The following FBF1 variants were observed in gnomAD, a reference collection of about 807,000 sequenced individuals.
FBF1 encodes Fas binding factor 1.
FBF1 carries 119 observed loss-of-function variants against 147.2 expected under a neutral mutation model. That is an observed-to-expected ratio of 0.81 (90% CI 0.70 to 0.94). The LOEUF is 0.94. FBF1 is among the 40% of genes least tolerant of loss of function. FBF1 has a pLI of 0.00. For missense variants in FBF1, 1,449 were observed against 1,500.8 expected, an observed-to-expected ratio of 0.97 and a Z score of 0.57; for synonymous variants, 601 against 609.0, an observed-to-expected ratio of 0.99 and a Z score of 0.19.
intron 4 of FBF1, among the ~76,000 whole-genome samples, chr17:75,933,611 G>A (rs1228597491): frequency 6.6e-6 from 1 of 152,090 alleles, no homozygotes; most frequent in African/African-American, 2.4e-5. Context: ...TCTGTCCCTG[G>A]TGAGCTTTAC....
rs555421889 is a variant in FBF1 at position 75,919,675 on chromosome 17, G to A, written c.2131C>T (p.Leu711=). The part of the protein sequence containing the change: ...KDQEMERLRE[L]QRASILDMRR... ...CCTGTCCCTGGGCCTCACCGCTGCA[G>A]CTCCCGGAGCCGCTCCATTTCCTGG... Residue 711 remains leucine (L), a synonymous_variant, in exon 20 of 30, where the codon CTG becomes TTG. Transcript: ENST00000636174. The surrounding 1 kb of genome is among the most constrained non-coding windows in gnomAD (Gnocchi z 5.0). 150 of 1,600,838 alleles carry A rather than the reference G, an allele frequency of 9.4e-5. 1 individual carries two copies. In the South Asian group the frequency reaches 1.6e-3, roughly 17 times the overall value.
At chr17:75,937,522 G>T (rs1340656420) in intron 3 of FBF1, 44 bp downstream of exon 3, 4 of 1,607,790 alleles carry the variant, frequency 2.5e-6, no homozygotes, top group Non-Finnish European at 3.4e-6. Flanking sequence ...AGGGGAAAAA[G>T]ATATATATTT....
chr17:75,931,499 T>C lies in FBF1; in HGVS notation c.168-210A>G, dbSNP rs140707691. On this transcript the variant is annotated intron_variant, in intron 5 of 29. Transcript: ENST00000636174. ...TTCAAAAACAAATTGTTAAAAACCATAGGGCTGGGTGTGGGGGCTCATGCC... is the reference window on the plus strand; with the variant it reads ...TTCAAAAACAAATTGTTAAAAACCACAGGGCTGGGTGTGGGGGCTCATGCC... Among the ~76,000 whole-genome samples the C allele has an allele frequency of 6.9e-3, 1,046 of 152,278 alleles. 15 individuals are homozygous for C. Among genetic ancestry groups the C allele is most frequent in the African/African-American group, 0.023 (947 of 41,556 alleles).
At chr17:75,931,311 C>A in intron 5 of FBF1, 22 bp from the exon 6 acceptor site, 1 of 1,571,728 alleles carries the variant, frequency 6.4e-7, no homozygotes. Context: ...AGGCGTCAGC[C>A]CCTACCTGCA....
In FBF1 at chr17:75,926,420, G is replaced by C; in HGVS notation, c.602C>G (p.Ser201Cys). The C allele has an allele frequency of 6.4e-7, 1 of 1,565,848 alleles. No homozygotes were observed. The highest frequency in any genetic ancestry group is 8.6e-7 in the Non-Finnish European group (1 of 1,158,342). ...SPSTVRDQGP[S>C]IPLTPGDTPI... ...GGTGTCCCCAGGAGTTAGAGGAATA[G>C]AGGGACCTGAAAGACAAAACAAGGC... is the stretch of plus-strand genomic sequence containing the variant. Residue 201 changes from serine to cysteine, a missense_variant, in exon 11 of 30, where the codon TCT (serine) becomes TGT (cysteine). Physicochemically the swap from Ser to Cys is moderately radical, Grantham distance 112 (BLOSUM62 -1). Coordinates refer to ENST00000636174, the MANE Select transcript of FBF1 (RefSeq NM_001319193.2).
chr17:75,926,315 T>C lies in FBF1; in HGVS notation c.707A>G (p.Lys236Arg), dbSNP rs959385982. The change falls in exon 11 of 30, where the codon AAA becomes AGA. Residue 236 changes from lysine (K) to arginine (R), a missense_variant. Coordinates refer to ENST00000636174, the MANE Select transcript of FBF1 (RefSeq NM_001319193.2). ...MATLGFGDSP[K>R]AEKRQIGDQE... ...GTCTCCTATCTGCCTCTTCTCTGCT[T>C]TGGGGCTGTCTCCAAACCCCAAGGT... 1.2e-6 allele frequency: 2 copies of C among 1,613,518 alleles called. No homozygotes were observed. The highest frequency in any genetic ancestry group is 1.1e-5 in the South Asian group (1 of 90,970).
chr17:75,938,113 G>A (rs1401194366), intron 2 of FBF1, 34 bp downstream of exon 2: 23 of 1,612,272 alleles, frequency 1.4e-5, no homozygotes, highest in African/African-American at 2.7e-5. Context: ...AGGCATGTTC[G>A]CTTTCCATGC....
chr17:75,936,027 A>C (rs888673074), intron 3 of FBF1, among the ~76,000 whole-genome samples: 17 of 138,640 alleles, frequency 1.2e-4, no homozygotes, highest in Non-Finnish European at 1.9e-4. Context: ...AATACAAAAA[A>C]AATGGCTGGG....
At chr17:75,936,834 T>C (rs543376687) in intron 3 of FBF1, among the ~76,000 whole-genome samples, 15 of 152,208 alleles carry the variant, frequency 9.9e-5, no homozygotes, top group African/African-American at 3.6e-4. Flanking sequence ...GTGCCCAAGA[T>C]TTCTAGGCAC....
rs376025637 is a variant in FBF1 at position 75,926,085 on chromosome 17, C to T, written c.813G>A (p.Pro271=). The T allele has an allele frequency of 4.8e-5, 78 of 1,612,360 alleles. No homozygotes were observed. The highest frequency in any genetic ancestry group is 4.6e-4 in the South Asian group (42 of 90,984). Residue 271 remains proline (P), a synonymous_variant, in exon 12 of 30, where the codon CCG becomes CCA. Transcript: ENST00000636174. The part of the protein sequence containing the change: ...RGMATKLLAR[P]GTGEHREFKL... ...TGAACTCCCTGTGCTCCCCGGTGCCCGGGCGGGCCAGGAGTTTGGTGGCCA... is the reference window on the plus strand; with the variant it reads ...TGAACTCCCTGTGCTCCCCGGTGCCTGGGCGGGCCAGGAGTTTGGTGGCCA...
At chr17:75,931,143 C>G in intron 6 of FBF1, 86 bp downstream of exon 6, 4 of 1,416,042 alleles carry the variant, frequency 2.8e-6, no homozygotes, top group Non-Finnish European at 3.9e-6. Context: ...CTTCTAAACC[C>G]TTCCGTGGGC....
chr17:75,935,360 G>C (rs892414715), intron 4 of FBF1, among the ~76,000 whole-genome samples: 1 of 151,932 alleles, frequency 6.6e-6, no homozygotes, highest in Non-Finnish European at 1.5e-5. Context: ...GTAGAGATGG[G>C]GTTTCGCCAT....
chr17:75,937,076 A>G (rs1005971843), intron 3 of FBF1, among the ~76,000 whole-genome samples: 1 of 152,134 alleles, frequency 6.6e-6, no homozygotes, highest in African/African-American at 2.4e-5. Flanking sequence ...CTCATATCTT[A>G]TTTACGTCTG....
intron 10 of FBF1, 109 bp downstream of exon 10, chr17:75,926,649 C>G: frequency 6.7e-7 from 1 of 1,491,386 alleles, no homozygotes; most frequent in South Asian, 1.3e-5. Flanking sequence ...GACCTTAGAC[C>G]TCTGGTCCCC....
Position 75,918,368 on chromosome 17 carries a change from C to T in FBF1, c.2139-99G>A. The T allele has an allele frequency of 2.1e-6, 2 of 944,054 alleles. No individual in the cohort carries two copies. The highest frequency in any genetic ancestry group is 3.2e-6 in the Non-Finnish European group (2 of 633,492). The allele number at this position is 944,054 out of a possible 1,614,324, so 58.5% of individuals were successfully genotyped here. Reference sequence around the variant, plus strand: ...GTGTGTTTCCGTGCAGCCCTTGCTCCCAGGCCTCTCCTCCGCCGGGCACTG... The same window carrying T: ...GTGTGTTTCCGTGCAGCCCTTGCTCTCAGGCCTCTCCTCCGCCGGGCACTG... On this transcript the variant is annotated intron_variant, in intron 20 of 29. Transcript: ENST00000636174. This position sits in a 1 kb window ranked among gnomAD's most constrained non-coding sequence, Gnocchi z 5.8.
At chr17:75,913,678 G>A in intron 28 of FBF1, 24 bp downstream of exon 28, 1 of 1,557,080 alleles carries the variant, frequency 6.4e-7, no homozygotes, top group Admixed American at 1.8e-5. Context: ...TGAGCCGCCG[G>A]CCCTTCCTTC....
chr17:75,931,005 G>A (rs2065591061), intron 6 of FBF1, among the ~76,000 whole-genome samples: 1 of 152,112 alleles, frequency 6.6e-6, no homozygotes, highest in South Asian at 2.1e-4. Flanking sequence ...TGAGGCAGGA[G>A]AATTGCTTGA....
rs1048950284 is a variant in FBF1 at position 75,913,907 on chromosome 17, C to A, written c.3129+6G>T. ...GCAGGGGCGCCATACACTCAGGGAG[C>A]CTTGCCTGGTGCATGTGCTGCTCCT... On this transcript the variant is annotated splice_donor_region_variant and intron_variant, in intron 27 of 29. Transcript: ENST00000636174. 3 of 1,547,076 alleles carry A rather than the reference C, an allele frequency of 1.9e-6. No individual in the cohort carries two copies. Among genetic ancestry groups the A allele is most frequent in the Middle Eastern group, 1.7e-4 (1 of 5,990 alleles).
intron 17 of FBF1, 47 bp downstream of exon 17, chr17:75,921,197 A>C (rs1286626200): frequency 1.3e-6 from 2 of 1,544,978 alleles, no homozygotes; most frequent in Non-Finnish European, 1.8e-6. Flanking sequence ...GGGCATGGAG[A>C]ATTGCTCCCT....
Sources: allele counts gnomAD v4.1 joint callset (sites outside exome capture counted in the v4.1 genomes callset), GRCh38; gene constraint gnomAD v4.1.1; non-coding constraint Gnocchi (gnomAD v3.1); transcripts MANE v1.5; gene names NCBI Gene and HGNC (gene_info 2026-07-23, HGNC 2026-07-21).